Variants in DLGAP2 observed in about 807,000 individuals in gnomAD.
The protein encoded by DLGAP2 is DLG associated protein 2.
A neutral mutation model predicts 100.3 loss-of-function variants in DLGAP2; 26 were observed. The observed-to-expected ratio is 0.26, with a 90% CI of 0.19 to 0.36. DLGAP2 has a LOEUF of 0.36. DLGAP2 is among the 10% of genes least tolerant of loss of function. The probability of loss-of-function intolerance (pLI) is 1.00; values close to 1 mark genes in which losing one functional copy is unlikely to be tolerated. For synonymous variants in DLGAP2, 886 were observed against 630.1 expected (o/e 1.41, Z -6.08); for missense variants, 1,858 against 1,453.2 (o/e 1.28, Z -4.53).
At chr8:1,165,535 G>A (rs1206223919) in intron 2 of DLGAP2, among the ~76,000 whole-genome samples, 1 of 152,216 alleles carries the variant, frequency 6.6e-6, no homozygotes, top group Non-Finnish European at 1.5e-5. Context: ...TGCATGGCAT[G>A]TGTTGCCAAG....
chr8:1,491,214 C>T (rs1414594409), intron 3 of DLGAP2, among the ~76,000 whole-genome samples: 1 of 152,056 alleles, frequency 6.6e-6, no homozygotes, highest in African/African-American at 2.4e-5. Flanking sequence ...GACAAAAATG[C>T]TCGCTGTTTC....
chr8:788,247 G>A (rs1050567903), intron 1 of DLGAP2, among the ~76,000 whole-genome samples: 19 of 152,232 alleles, frequency 1.2e-4, no homozygotes, highest in South Asian at 4.1e-4. Context: ...TTATTCTGTA[G>A]CCAAATGGCT....
At chr8:753,701 C>G (rs1174092651) in intron 1 of DLGAP2, 4 of 152,322 alleles carry the variant, frequency 2.6e-5, no homozygotes, top group Admixed American at 2.0e-4. Context: ...GGTATAAAAA[C>G]GTGCCGGCTC....
At chr8:1,439,496 C>A (rs1005252396) in intron 3 of DLGAP2, among the ~76,000 whole-genome samples, 1 of 152,172 alleles carries the variant, frequency 6.6e-6, no homozygotes, top group African/African-American at 2.4e-5. Flanking sequence ...AGGGCTCAGC[C>A]CTGTCATCAG....
intron 1 of DLGAP2, among the ~76,000 whole-genome samples, chr8:893,609 G>A (rs1428379550): frequency 2.6e-5 from 4 of 152,230 alleles, no homozygotes; most frequent in African/African-American, 9.6e-5. Context: ...CAGCCCGGAA[G>A]CTGTCAGGAG....
At chr8:1,687,846 C>T (rs568739623) in intron 12 of DLGAP2, among the ~76,000 whole-genome samples, 1 of 152,260 alleles carries the variant, frequency 6.6e-6, no homozygotes, top group South Asian at 2.1e-4. Context: ...TTCATTTATT[C>T]ATCCACTTCT....
At chr8:1,584,336 A>T (rs1361775804) in intron 6 of DLGAP2, among the ~76,000 whole-genome samples, 1 of 152,196 alleles carries the variant, frequency 6.6e-6, no homozygotes, top group African/African-American at 2.4e-5. Flanking sequence ...CTGATTTCTT[A>T]AGCTCCTTTA....
chr8:1,266,632 G>C (rs534257731), intron 3 of DLGAP2, among the ~76,000 whole-genome samples: 3 of 152,246 alleles, frequency 2.0e-5, no homozygotes, highest in African/African-American at 7.2e-5. Context: ...TGCACCCTCT[G>C]TTCTCAGTCA....
At chr8:1,279,984 T>C (rs753857358) in intron 3 of DLGAP2, among the ~76,000 whole-genome samples, 13 of 152,162 alleles carry the variant, frequency 8.5e-5, no homozygotes, top group Non-Finnish European at 1.8e-4. Flanking sequence ...TGTACCAAGA[T>C]GAAGAAGTAA....
At chr8:1,001,942 T>C (rs920830609) in intron 2 of DLGAP2, among the ~76,000 whole-genome samples, 2 of 152,180 alleles carry the variant, frequency 1.3e-5, no homozygotes, top group African/African-American at 4.8e-5. Context: ...AGCTTAAAAA[T>C]GGTCATATGA....
chr8:1,280,934 A>G (rs1313931217), intron 3 of DLGAP2, among the ~76,000 whole-genome samples: 2 of 152,214 alleles, frequency 1.3e-5, no homozygotes, highest in South Asian at 2.1e-4. Context: ...TTTGTATCAG[A>G]AGCTATATGG....
intron 1 of DLGAP2, among the ~76,000 whole-genome samples, chr8:802,614 C>G (rs1358751088): frequency 6.6e-6 from 1 of 152,174 alleles, no homozygotes; most frequent in Non-Finnish European, 1.5e-5. Flanking sequence ...CCCTCAGAAC[C>G]CACAGCCCCC....
At chr8:1,389,796 C>G (rs936306722) in intron 3 of DLGAP2, among the ~76,000 whole-genome samples, 2 of 152,046 alleles carry the variant, frequency 1.3e-5, no homozygotes, top group Non-Finnish European at 2.9e-5. Context: ...AGACCCAGAG[C>G]GAGCCTTCCC....
intron 2 of DLGAP2, among the ~76,000 whole-genome samples, chr8:1,009,025 C>G (rs1316073954): frequency 6.6e-6 from 1 of 152,234 alleles, no homozygotes; most frequent in African/African-American, 2.4e-5. Context: ...CCTTCCCACC[C>G]ATGGGATTTC....
intron 3 of DLGAP2, among the ~76,000 whole-genome samples, chr8:1,432,714 G>A (rs1250008603): frequency 6.6e-6 from 1 of 152,196 alleles, no homozygotes; most frequent in South Asian, 2.1e-4. Flanking sequence ...TGTGAATTTG[G>A]CTGGTGAGAT....
chr8:1,114,255 A>G (rs573069567), intron 2 of DLGAP2, among the ~76,000 whole-genome samples: 2 of 152,214 alleles, frequency 1.3e-5, no homozygotes, highest in South Asian at 2.1e-4. Context: ...GTTTTTTTTA[A>G]TAGGTTCAGT....
intron 2 of DLGAP2, among the ~76,000 whole-genome samples, chr8:1,053,131 G>A (rs761149038): frequency 1.3e-4 from 20 of 152,218 alleles, no homozygotes; most frequent in Non-Finnish European, 2.6e-4. Context: ...AAGAGGTGCT[G>A]TACGTTTTGC....
At chr8:1,509,052 G>A in intron 4 of DLGAP2, among the ~76,000 whole-genome samples, 1 of 152,146 alleles carries the variant, frequency 6.6e-6, no homozygotes, top group East Asian at 1.9e-4. Context: ...TATAGACTAG[G>A]CCGGGCACGG....
At chr8:1,428,375 A>C (rs75815931) in intron 3 of DLGAP2, among the ~76,000 whole-genome samples, 3,789 of 152,286 alleles carry the variant, frequency 0.025, 132 homozygotes, top group African/African-American at 0.086. Flanking sequence ...ACTACCAGTA[A>C]ATAAATCCAT....
Sources: gnomAD v4.1 joint callset for allele counts (sites outside exome capture counted in the v4.1 genomes callset) on GRCh38, gnomAD v4.1.1 for gene constraint, MANE v1.5 for transcripts, NCBI Gene and HGNC (gene_info 2026-07-23, HGNC 2026-07-21) for gene names.